NCKAP1L: variants seen among roughly 807,000 people sequenced by gnomAD.
NCKAP1L encodes nck-associated protein 1-like.
NCKAP1L carries 53 observed loss-of-function variants against 139.2 expected under a neutral mutation model. The observed-to-expected ratio is 0.38, with a 90% CI of 0.31 to 0.48. NCKAP1L has a LOEUF of 0.48. Among genes scored for constraint, NCKAP1L ranks in the 20% least tolerant of loss-of-function variants. The pLI is 0.98. For synonymous variants in NCKAP1L, 468 were observed against 499.7 expected (o/e 0.94, Z 0.85); for missense variants, 1,151 against 1,381.9 (o/e 0.83, Z 2.65).
At chr12:54,517,742 CTG>C (rs111490417) in intron 12 of NCKAP1L, 62 bp from the exon 13 acceptor site, 10 of 1,603,612 alleles carry the variant, frequency 6.2e-6, no homozygotes, top group African/African-American at 5.3e-5. Flanking sequence ...CCTGATATCA[CTG>C]TGTTTGTCTC....
chr12:54,534,994 C>G, intron 26 of NCKAP1L, 110 bp from the exon 27 acceptor site: 2 of 754,512 alleles, frequency 2.7e-6, no homozygotes, highest in Middle Eastern at 3.9e-4. Flanking sequence ...ATAAAAGCAT[C>G]TTTAAAAAAA....
intron 3 of NCKAP1L, 91 bp downstream of exon 3, chr12:54,500,716 C>A: frequency 1.2e-6 from 1 of 853,762 alleles, no homozygotes; most frequent in Non-Finnish European, 1.9e-6. Context: ...AAAACAAGTT[C>A]TTGAAAAAAT....
At chr12:54,540,962 A>G (rs768369349) in intron 30 of NCKAP1L, among the ~76,000 whole-genome samples, 7 of 152,248 alleles carry the variant, frequency 4.6e-5, no homozygotes, top group Non-Finnish European at 5.9e-5. Flanking sequence ...AAATGACCGA[A>G]GGTGAAGGAG....
intron 29 of NCKAP1L, 44 bp from the exon 30 acceptor site, chr12:54,538,840 A>G (rs1329168571): frequency 6.8e-7 from 1 of 1,473,134 alleles, no homozygotes; most frequent in Admixed American, 1.7e-5. Flanking sequence ...GCCATTTGAT[A>G]CTGACCTGTA....
chr12:54,508,766 A>G (rs1956862679), intron 5 of NCKAP1L, among the ~76,000 whole-genome samples: 1 of 152,210 alleles, frequency 6.6e-6, no homozygotes, highest in South Asian at 2.1e-4. Flanking sequence ...ACATGGATTG[A>G]AAATGTAGTG....
chr12:54,531,561 C>T lies in NCKAP1L; in HGVS notation c.2675C>T (p.Ala892Val). Reference sequence around the variant, plus strand: ...AACTTTAGCAAGCCGGACTTGATGGCTTCCCTGCTGCCCCAGCTGACAGGT... The same window carrying T: ...AACTTTAGCAAGCCGGACTTGATGGTTTCCCTGCTGCCCCAGCTGACAGGT... ...RSNFSKPDLM[A>V]SLLPQLTGAE... The change falls in exon 24 of 31, where the codon GCT becomes GTT. Residue 892 changes from alanine (A) to valine (V), a missense_variant. Transcript: ENST00000293373. 6.2e-7 allele frequency: 1 copy of T among 1,614,198 alleles called. No homozygotes were observed. The highest frequency in any genetic ancestry group is 8.5e-7 in the Non-Finnish European group (1 of 1,180,022).
chr12:54,539,662 T>C (rs1172950829), intron 30 of NCKAP1L, among the ~76,000 whole-genome samples: 3 of 152,220 alleles, frequency 2.0e-5, no homozygotes, highest in African/African-American at 7.2e-5. Flanking sequence ...CACTTAGGTA[T>C]GGACAGGAAG....
intron 19 of NCKAP1L, 44 bp from the exon 20 acceptor site, chr12:54,523,781 C>T (rs1957005760): frequency 1.3e-6 from 2 of 1,589,652 alleles, no homozygotes; most frequent in African/African-American, 1.3e-5. Flanking sequence ...TAGACATTAG[C>T]AGGCAGTGCC....
chr12:54,505,059 A>G (rs139298813), intron 3 of NCKAP1L, among the ~76,000 whole-genome samples: 27 of 152,346 alleles, frequency 1.8e-4, no homozygotes, highest in African/African-American at 6.0e-4. Flanking sequence ...GGGAAAATCA[A>G]AAGCTCTGGA....
At chr12:54,529,149 A>T (rs1180967695) in intron 22 of NCKAP1L, among the ~76,000 whole-genome samples, 1 of 152,190 alleles carries the variant, frequency 6.6e-6, no homozygotes, top group Admixed American at 6.5e-5. Flanking sequence ...GGACACAGAG[A>T]GTTTAAGGAA....
intron 3 of NCKAP1L, among the ~76,000 whole-genome samples, chr12:54,503,242 A>G (rs2120874675): frequency 6.6e-6 from 1 of 152,262 alleles, no homozygotes; most frequent in South Asian, 2.1e-4. Flanking sequence ...TTTTGGGAGC[A>G]ATACTACATG....
intron 26 of NCKAP1L, 68 bp downstream of exon 26, chr12:54,532,318 C>A: frequency 1.3e-5 from 17 of 1,319,052 alleles, no homozygotes; most frequent in Non-Finnish European, 1.8e-5. Flanking sequence ...TAGCTAGGAT[C>A]TTGTAAGGGA....
chr12:54,523,841 C>T lies in NCKAP1L; in HGVS notation c.2041C>T (p.Leu681=), dbSNP rs1198499903. The change falls in exon 20 of 31, where the codon CTA becomes TTA. Residue 681 remains leucine, a synonymous_variant. Coordinates refer to ENST00000293373, the MANE Select transcript of NCKAP1L (RefSeq NM_005337.5). The part of the protein sequence containing the change: ...SIVTNMDKLH[L]NLTELALTMN... ...CCTTTCTAGCATGGACAAGCTACAC[C>T]TAAACTTGACAGAACTGGCACTGAC... 2 of 1,613,810 alleles carry T rather than the reference C, an allele frequency of 1.2e-6. No individual in the cohort carries two copies. The highest frequency in any genetic ancestry group is 1.3e-5 in the African/African-American group (1 of 74,924).
chr12:54,508,005 G>A, intron 4 of NCKAP1L, 96 bp downstream of exon 4: 1 of 1,051,004 alleles, frequency 9.5e-7, no homozygotes. Flanking sequence ...GGGGTGGGAA[G>A]GGACTGGAAG....
In NCKAP1L at chr12:54,519,184, C is replaced by T. The variant is rs763690446; in HGVS notation, c.1480-3C>T. 2.6e-6 allele frequency: 4 copies of T among 1,556,888 alleles called. No individual in the cohort carries two copies. The South Asian group carries it at 3.7e-5, about 14-fold the overall frequency. ...CTCCACACTTTCCCAACTCCAACCG[C>T]AGGCATACACTAGCGTGGCTAAGGC... On this transcript the variant is annotated splice_polypyrimidine_tract_variant and splice_region_variant and intron_variant, in intron 15 of 30. Transcript: ENST00000293373.
intron 1 of NCKAP1L, chr12:54,498,657 G>A (rs899139820): frequency 2.8e-5 from 9 of 316,258 alleles, no homozygotes; most frequent in Non-Finnish European, 4.1e-5. Context: ...AATGCCCTTT[G>A]GGATAAGATA....
chr12:54,507,982 C>T (rs1449442241), intron 4 of NCKAP1L, 73 bp downstream of exon 4: 2 of 1,344,772 alleles, frequency 1.5e-6, no homozygotes, highest in Admixed American at 1.7e-5. Flanking sequence ...AGGTCTAGGT[C>T]TACTCACAGG....
chr12:54,544,008 G>GT lies in NCKAP1L; in HGVS notation c.*1327dup, dbSNP rs1957179766. Reference sequence around the variant, plus strand: ...AAGCCTATTTGATAGCTGTTTTGGGGTTTTGTACATGTGTTTGCTTTTTAT... The same window carrying GT: ...AAGCCTATTTGATAGCTGTTTTGGGGTTTTTGTACATGTGTTTGCTTTTTAT... On this transcript the variant is annotated 3_prime_UTR_variant, in exon 31 of 31. Coordinates refer to ENST00000293373, the MANE Select transcript of NCKAP1L (RefSeq NM_005337.5). 6.6e-6 allele frequency: 1 copy of GT among 152,186 alleles called. No individual in the cohort carries two copies. Among genetic ancestry groups the GT allele is most frequent in the Admixed American group, 6.5e-5 (1 of 15,282 alleles). 9.4% of individuals were successfully genotyped at this position (152,186 alleles called of 1,614,324 possible).
intron 16 of NCKAP1L, among the ~76,000 whole-genome samples, chr12:54,520,018 T>A (rs1218998761): frequency 6.6e-6 from 1 of 152,154 alleles, no homozygotes; most frequent in Admixed American, 6.5e-5. Flanking sequence ...AGTTTGTCTT[T>A]CTTAGATAGC....
Sources: allele counts gnomAD v4.1 joint callset (sites outside exome capture counted in the v4.1 genomes callset), GRCh38; gene constraint gnomAD v4.1.1; transcripts MANE v1.5; gene names NCBI Gene and HGNC (gene_info 2026-07-23, HGNC 2026-07-21).